Variants in TRPV3 observed in about 807,000 individuals in gnomAD.
TRPV3 encodes the protein transient receptor potential cation channel subfamily V member 3.
Under a neutral mutation model 87.1 loss-of-function variants are expected in TRPV3, and 88 were observed. The observed-to-expected ratio is 1.01, with a 90% CI of 0.85 to 1.21. TRPV3 has a LOEUF of 1.21. TRPV3 is among the 50% of genes most tolerant of loss of function. The pLI is 0.00. For missense variants in TRPV3, 1,054 were observed against 1,030.1 expected (o/e 1.02, Z -0.32); for synonymous variants, 438 against 423.3 (o/e 1.03, Z -0.43).
At chr17:3,532,608 TACCTCCTGACCTCCCG>T in intron 8 of TRPV3, 33 bp downstream of exon 8, 1 of 1,598,662 alleles carries the variant, frequency 6.3e-7, no homozygotes, top group Non-Finnish European at 8.5e-7. Flanking sequence ...GTGGCAGCTG[TACCTCCTGACCTCCCG>T]ACCTCCTGCC....
intron 13 of TRPV3, among the ~76,000 whole-genome samples, chr17:3,523,383 A>C (rs1375522865): frequency 3.3e-5 from 5 of 152,190 alleles, no homozygotes; most frequent in Non-Finnish European, 5.9e-5. Context: ...TCTTTTGTCA[A>C]TTGCAACCAA....
Position 3,543,643 on chromosome 17 carries a change from T to C in TRPV3, c.312-15A>G. The C allele has an allele frequency of 6.2e-7, 1 of 1,613,512 alleles. No individual in the cohort carries two copies. Among genetic ancestry groups the C allele is most frequent in the South Asian group, 1.1e-5 (1 of 91,066 alleles). ...CCAGCTGTGCACTGAAGCCAGAAAA[T>C]GTTTCCAACTCAACACACACATCCT... On this transcript the variant is annotated splice_polypyrimidine_tract_variant and intron_variant, in intron 4 of 17. Coordinates refer to ENST00000576742, the MANE Select transcript of TRPV3 (RefSeq NM_145068.4).
intron 2 of TRPV3, among the ~76,000 whole-genome samples, chr17:3,550,831 T>C (rs2074567286): frequency 2.0e-5 from 3 of 152,176 alleles, no homozygotes; most frequent in Admixed American, 2.0e-4. Context: ...GCCTCCTGCC[T>C]GCTCTTTTAT....
chr17:3,532,566 G>C, intron 8 of TRPV3, 91 bp downstream of exon 8: 1 of 1,470,626 alleles, frequency 6.8e-7, no homozygotes, highest in South Asian at 1.3e-5. Context: ...TGTGGTTTGT[G>C]AATCCCCAGT....
At chr17:3,546,400 C>T (rs1015896975) in intron 2 of TRPV3, among the ~76,000 whole-genome samples, 2 of 151,816 alleles carry the variant, frequency 1.3e-5, no homozygotes, top group African/African-American at 4.8e-5. Context: ...CGAGATCATG[C>T]CACTGCACTC....
intron 13 of TRPV3, among the ~76,000 whole-genome samples, chr17:3,521,871 T>A (rs545015422): frequency 6.6e-6 from 1 of 151,850 alleles, no homozygotes; most frequent in Non-Finnish European, 1.5e-5. Context: ...AGGTCAGGAG[T>A]TGGAGGCCAG....
intron 13 of TRPV3, among the ~76,000 whole-genome samples, chr17:3,522,562 C>A (rs186679270): frequency 2.6e-3 from 395 of 151,312 alleles, no homozygotes; most frequent in African/African-American, 8.8e-3. Context: ...TTCCCCCCCC[C>A]ACCCCCCAGC....
At chr17:3,542,781 G>A in intron 5 of TRPV3, 83 bp from the exon 6 acceptor site, 1 of 1,451,588 alleles carries the variant, frequency 6.9e-7, no homozygotes, top group East Asian at 2.4e-5. Flanking sequence ...GGTTGCTGCA[G>A]CCGCAGACCC....
chr17:3,530,047 C>G lies in TRPV3; in HGVS notation c.1222G>C (p.Val408Leu). Residue 408 changes from valine (V) to leucine (L), a missense_variant, in exon 9 of 18, where the codon GTC (valine) becomes CTC (leucine). Physicochemically the swap from Val to Leu is conservative, Grantham distance 32 (BLOSUM62 1). Coordinates refer to ENST00000576742, the MANE Select transcript of TRPV3 (RefSeq NM_145068.4). This position sits in a 1 kb window ranked among gnomAD's most constrained non-coding sequence, Gnocchi z 4.0. ...TTDNSVLEIT[V>L]YNTNIDNRHE... ...CCCACGTCGATGTTGGTGTTGTAGACAGTGATTTCCAGCACTGAGTTGTCC... is the reference window on the plus strand; with the variant it reads ...CCCACGTCGATGTTGGTGTTGTAGAGAGTGATTTCCAGCACTGAGTTGTCC... 6.2e-7 allele frequency: 1 copy of G among 1,613,682 alleles called. No homozygotes were observed. The highest frequency in any genetic ancestry group is 8.5e-7 in the Non-Finnish European group (1 of 1,179,800).
chr17:3,516,155 C>T (rs946897167), intron 16 of TRPV3, among the ~76,000 whole-genome samples: 3 of 151,252 alleles, frequency 2.0e-5, no homozygotes, highest in African/African-American at 7.3e-5. Context: ...CATTGCACTC[C>T]AGCCCGGGCA....
Position 3,528,190 on chromosome 17 carries a change from T to G in TRPV3, c.1402-64A>C. 5.4e-6 allele frequency: 7 copies of G among 1,299,516 alleles called. No homozygotes were observed. The highest frequency in any genetic ancestry group is 6.4e-6 in the Non-Finnish European group (6 of 937,442). The allele number at this position is 1,299,516 out of a possible 1,614,324, so 80.5% of individuals were successfully genotyped here. ...AGGAGGACAGGGCTGGCACCAACTC[T>G]AGAGGGACCAAAACCCAGGTGAAAC... On this transcript the variant is annotated intron_variant, in intron 10 of 17. Coordinates refer to ENST00000576742, the MANE Select transcript of TRPV3 (RefSeq NM_145068.4). The surrounding 1 kb of genome is among the most constrained non-coding windows in gnomAD (Gnocchi z 4.2).
chr17:3,522,042 C>T (rs1251514957), intron 13 of TRPV3, among the ~76,000 whole-genome samples: 1 of 152,134 alleles, frequency 6.6e-6, no homozygotes, highest in African/African-American at 2.4e-5. Context: ...CACCACTGCA[C>T]TCCAGCCTGG....
intron 16 of TRPV3, among the ~76,000 whole-genome samples, chr17:3,515,910 G>C (rs935572640): frequency 2.6e-5 from 4 of 152,070 alleles, no homozygotes; most frequent in Non-Finnish European, 5.9e-5. Flanking sequence ...AGAGGGGCTG[G>C]GTGCGGTGGC....
At chr17:3,545,050 A>G (rs2074510891) in intron 3 of TRPV3, 117 bp downstream of exon 3, 1 of 642,076 alleles carries the variant, frequency 1.6e-6, no homozygotes, top group East Asian at 2.7e-5. Flanking sequence ...TTTATAATAG[A>G]CAGTGGTAGC....
chr17:3,530,449 C>T lies in TRPV3; in HGVS notation c.1066-246G>A, dbSNP rs2074339807. On this transcript the variant is annotated intron_variant, in intron 8 of 17. Coordinates refer to ENST00000576742, the MANE Select transcript of TRPV3 (RefSeq NM_145068.4). The surrounding 1 kb of genome is among the most constrained non-coding windows in gnomAD (Gnocchi z 4.0). ...AGGGACAAAGGGTGTGAAGGTTCTT[C>T]GCAGGCTGCAGCAAGCTGCACAATC... Among the ~76,000 whole-genome samples, 1 of 151,880 alleles carries T rather than the reference C, an allele frequency of 6.6e-6. No homozygotes were observed. Among genetic ancestry groups the T allele is most frequent in the Admixed American group, 6.6e-5 (1 of 15,266 alleles).
rs1330636007 is a variant in TRPV3, at chr17:3,530,638, C to A, written c.1066-435G>T. The stretch of plus-strand genomic sequence containing the variant: ...AGCCAAGACTCCTCCAGCTGTGGCT[C>A]ACCACTCTGGCCAGGCAGGTGGTGA... On this transcript the variant is annotated intron_variant, in intron 8 of 17. Transcript: ENST00000576742. The surrounding 1 kb of genome is among the most constrained non-coding windows in gnomAD (Gnocchi z 4.0). 1.3e-5 allele frequency among the ~76,000 whole-genome samples: 2 copies of A among 152,182 alleles called. No individual in the cohort carries two copies. The highest frequency in any genetic ancestry group is 2.9e-5 in the Non-Finnish European group (2 of 68,036).
In TRPV3 at chr17:3,545,750, G is replaced by A. The variant is rs1386227222; in HGVS notation, c.120-479C>T. ...TCCCAGCACCCTGGGAGGCTGAGGCGGGCAGATCACCTGAGGTAAGGAGTT... is the reference window on the plus strand; with the variant it reads ...TCCCAGCACCCTGGGAGGCTGAGGCAGGCAGATCACCTGAGGTAAGGAGTT... On this transcript the variant is annotated intron_variant, in intron 2 of 17. Coordinates refer to ENST00000576742, the MANE Select transcript of TRPV3 (RefSeq NM_145068.4). Among the ~76,000 whole-genome samples, 2 of 151,400 alleles carry A rather than the reference G, an allele frequency of 1.3e-5. 1 individual carries two copies. The highest frequency in any genetic ancestry group is 3.9e-4 in the East Asian group (2 of 5,162).
intron 11 of TRPV3, 90 bp from the exon 12 acceptor site, chr17:3,527,017 C>A: frequency 9.6e-7 from 1 of 1,040,080 alleles, no homozygotes; most frequent in Non-Finnish European, 1.5e-6. Context: ...GACCAAGACT[C>A]AGTGAGGGTT....
At chr17:3,524,422 T>C in intron 12 of TRPV3, 59 bp from the exon 13 acceptor site, 5 of 1,595,380 alleles carry the variant, frequency 3.1e-6, no homozygotes, top group Admixed American at 1.7e-5. Context: ...AGGGCAAAGA[T>C]ATGCAAATCC....
Sources: allele counts gnomAD v4.1 joint callset (sites outside exome capture counted in the v4.1 genomes callset), GRCh38; gene constraint gnomAD v4.1.1; non-coding constraint Gnocchi (gnomAD v3.1); transcripts MANE v1.5; gene names NCBI Gene and HGNC (gene_info 2026-07-23, HGNC 2026-07-21).